Variants in ANKS1B observed in about 807,000 individuals in gnomAD.
ANKS1B encodes the protein ankyrin repeat and sterile alpha motif domain-containing protein 1B.
In ANKS1B, 36 loss-of-function variants were observed where a neutral mutation model predicts 148.3. The observed-to-expected ratio is 0.24, with a 90% confidence interval of 0.19 to 0.32. ANKS1B has a LOEUF of 0.32. Among genes scored for constraint, ANKS1B ranks in the 10% least tolerant of loss-of-function variants. ANKS1B has a pLI of 1.00. For missense variants in ANKS1B, 1,157 were observed against 1,542.6 expected, an observed-to-expected ratio of 0.75 and a Z score of 4.19; for synonymous variants, 542 against 560.8, an observed-to-expected ratio of 0.97 and a Z score of 0.47.
intron 14 of ANKS1B, among the ~76,000 whole-genome samples, chr12:99,220,538 C>T (rs938251494): frequency 3.3e-5 from 5 of 150,736 alleles, no homozygotes; most frequent in African/African-American, 1.2e-4. Flanking sequence ...ACTCCGCCTC[C>T]CAGGTTCACA....
At chr12:99,663,773 A>C (rs55660408) in intron 8 of ANKS1B, among the ~76,000 whole-genome samples, 3,330 of 152,262 alleles carry the variant, frequency 0.022, 136 homozygotes, top group African/African-American at 0.076. Flanking sequence ...CAATTGTTTT[A>C]GTTGCAAGAA....
chr12:99,923,470 T>C (rs1414322801), intron 1 of ANKS1B, among the ~76,000 whole-genome samples: 3 of 152,156 alleles, frequency 2.0e-5, no homozygotes, highest in Non-Finnish European at 2.9e-5. Flanking sequence ...TAGTAATCAC[T>C]AAAGGATTTA....
At chr12:99,874,067 C>G (rs938984513) in intron 1 of ANKS1B, among the ~76,000 whole-genome samples, 1 of 146,284 alleles carries the variant, frequency 6.8e-6, no homozygotes, top group African/African-American at 2.8e-5. Context: ...CTCTGGAGAA[C>G]CTTGACTAAA....
At chr12:99,840,342 CTGGATCATATAGAGCCTTG>C (rs1243818381) in intron 1 of ANKS1B, among the ~76,000 whole-genome samples, 1 of 152,022 alleles carries the variant, frequency 6.6e-6, no homozygotes, top group Non-Finnish European at 1.5e-5. Context: ...AGATGTGTGG[CTGGATCATATAGAGCCTTG>C]TGGCCATTCT....
intron 8 of ANKS1B, among the ~76,000 whole-genome samples, chr12:99,694,034 C>T (rs1226731131): frequency 6.6e-6 from 1 of 151,186 alleles, no homozygotes; most frequent in Non-Finnish European, 1.5e-5. Flanking sequence ...CCACCTCAGC[C>T]TCCCAAAGTG....
intron 17 of ANKS1B, among the ~76,000 whole-genome samples, chr12:98,957,038 A>C (rs2099863389): frequency 1.3e-5 from 2 of 152,196 alleles, no homozygotes; most frequent in African/African-American, 4.8e-5. Context: ...AAAAGGTATC[A>C]TTGAAAAACT....
chr12:99,936,616 A>T (rs1269834190), intron 1 of ANKS1B, among the ~76,000 whole-genome samples: 1 of 152,160 alleles, frequency 6.6e-6, no homozygotes, highest in Non-Finnish European at 1.5e-5. Context: ...CTCCCTTCGC[A>T]GTCTTTTATT....
chr12:99,331,930 G>A (rs907474369), intron 12 of ANKS1B, among the ~76,000 whole-genome samples: 2 of 151,928 alleles, frequency 1.3e-5, no homozygotes, highest in African/African-American at 4.8e-5. Context: ...CGATTATAGA[G>A]GAAATAAAGG....
chr12:98,829,080 C>A lies in ANKS1B; in HGVS notation c.3066+94G>T, dbSNP rs887242146. ...ACATGGTATAAATTCTAGTTAGGCACGGACAATAAGCATCCATAGGAAGCT... is the reference window on the plus strand; with the variant it reads ...ACATGGTATAAATTCTAGTTAGGCAAGGACAATAAGCATCCATAGGAAGCT... On this transcript the variant is annotated intron_variant, in intron 19 of 26. Coordinates refer to ENST00000683438, the MANE Select transcript of ANKS1B (RefSeq NM_001352186.2). The surrounding 1 kb of genome is among the most constrained non-coding windows in gnomAD (Gnocchi z 5.2). 5 of 1,414,544 alleles carry A rather than the reference C, an allele frequency of 3.5e-6. No homozygotes were observed. The African/African-American group carries it at 4.3e-5, about 12-fold the overall frequency. 87.6% of individuals were successfully genotyped at this position (1,414,544 alleles called of 1,614,324 possible).
At chr12:99,875,388 C>T (rs1760015781) in intron 1 of ANKS1B, among the ~76,000 whole-genome samples, 1 of 151,770 alleles carries the variant, frequency 6.6e-6, no homozygotes, top group South Asian at 2.1e-4. Flanking sequence ...GTATAGAGTG[C>T]TTTATCAAGC....
intron 8 of ANKS1B, among the ~76,000 whole-genome samples, chr12:99,760,595 T>A (rs919712972): frequency 2.0e-5 from 3 of 151,644 alleles, no homozygotes; most frequent in African/African-American, 7.3e-5. Context: ...CCTCAAAAAA[T>A]TTTTAAAGAT....
chr12:99,233,546 A>G (rs1442478553), intron 14 of ANKS1B, among the ~76,000 whole-genome samples: 1 of 152,186 alleles, frequency 6.6e-6, no homozygotes, highest in African/African-American at 2.4e-5. Context: ...ATTGAATCCT[A>G]CACCAATACT....
chr12:99,693,844 G>A (rs376578460), intron 8 of ANKS1B, among the ~76,000 whole-genome samples: 8 of 149,068 alleles, frequency 5.4e-5, no homozygotes, highest in Non-Finnish European at 4.4e-5. Context: ...GCAGTGGCGC[G>A]ATCTCAGCTC....
intron 9 of ANKS1B, among the ~76,000 whole-genome samples, chr12:99,558,190 G>A (rs1344681272): frequency 2.0e-5 from 3 of 152,168 alleles, no homozygotes; most frequent in Non-Finnish European, 4.4e-5. Context: ...TGGGAGTGGA[G>A]TGGCGGTATT....
intron 14 of ANKS1B, among the ~76,000 whole-genome samples, chr12:99,204,119 T>A (rs2082368609): frequency 6.6e-6 from 1 of 152,246 alleles, no homozygotes; most frequent in African/African-American, 2.4e-5. Context: ...GGTAACCTGG[T>A]AAATTTTCAG....
At chr12:99,045,627 T>C (rs896789597) in intron 17 of ANKS1B, among the ~76,000 whole-genome samples, 24 of 152,214 alleles carry the variant, frequency 1.6e-4, no homozygotes, top group African/African-American at 5.5e-4. Flanking sequence ...CATGAACTCT[T>C]GCTTCTGGCC....
chr12:99,813,251 A>G (rs1167475477), intron 2 of ANKS1B, among the ~76,000 whole-genome samples: 1 of 151,652 alleles, frequency 6.6e-6, no homozygotes, highest in Non-Finnish European at 1.5e-5. Flanking sequence ...TTATTAGCAT[A>G]AATTATATCA....
At chr12:98,825,379 C>A (rs1339178421) in intron 19 of ANKS1B, among the ~76,000 whole-genome samples, 1 of 152,090 alleles carries the variant, frequency 6.6e-6, no homozygotes, top group African/African-American at 2.4e-5. Flanking sequence ...AAGCTTGCAA[C>A]TGAATTAATT....
At chr12:98,998,888 C>T (rs1440664099) in intron 17 of ANKS1B, among the ~76,000 whole-genome samples, 1 of 152,170 alleles carries the variant, frequency 6.6e-6, no homozygotes, top group Non-Finnish European at 1.5e-5. Context: ...ACTAGAACCA[C>T]CTAGTGGATT....
Sources: gnomAD v4.1 joint callset for allele counts (sites outside exome capture counted in the v4.1 genomes callset) on GRCh38, gnomAD v4.1.1 for gene constraint, Gnocchi (gnomAD v3.1) non-coding constraint, MANE v1.5 for transcripts, NCBI Gene and HGNC (gene_info 2026-07-23, HGNC 2026-07-21) for gene names.